The following EYS variants were observed in gnomAD, a reference collection of about 807,000 sequenced individuals.
EYS encodes EGF-like photoreceptor maintenance factor.
EYS carries 250 observed loss-of-function variants against 282.1 expected under a neutral mutation model. That is an observed-to-expected ratio of 0.89 (90% CI 0.80 to 0.98). The LOEUF (loss-of-function observed/expected upper bound fraction) is 0.98, where lower values mean the gene tolerates loss of function less well. Among genes scored for constraint, EYS ranks in the 50% least tolerant of loss-of-function variants. EYS has a pLI of 0.00. For missense variants in EYS, 4,016 were observed against 3,709.0 expected (o/e 1.08, Z -2.15); for synonymous variants, 1,355 against 1,282.9 (o/e 1.06, Z -1.20).
At chr6:64,802,019 TTTTCTTTTTTTTTC>T (rs1764249004) in intron 22 of EYS, among the ~76,000 whole-genome samples, 2 of 133,012 alleles carry the variant, frequency 1.5e-5, no homozygotes, top group African/African-American at 3.1e-5. Flanking sequence ...ACAAATTTCT[TTTTCTTTTTTTTTC>T]TTTTTTTTTT....
intron 30 of EYS, among the ~76,000 whole-genome samples, chr6:64,243,933 A>G (rs1766921562): frequency 6.6e-6 from 1 of 152,176 alleles, no homozygotes; most frequent in Admixed American, 6.5e-5. Context: ...AGTGAATATC[A>G]TCATACAAAT....
At chr6:65,601,426 C>G (rs1050760654) in intron 2 of EYS, among the ~76,000 whole-genome samples, 1 of 151,596 alleles carries the variant, frequency 6.6e-6, no homozygotes, top group African/African-American at 2.4e-5. Context: ...GTCAATTATG[C>G]TTTTTTTTCC....
rs80031561 is a variant in EYS at position 65,128,098 on chromosome 6, G to A, written c.2024-70371C>T. Among the ~76,000 whole-genome samples the A allele has an allele frequency of 4.7e-3, 716 of 152,010 alleles. 4 individuals are homozygous for A. The highest frequency in any genetic ancestry group is 0.015 in the African/African-American group (632 of 41,526). On this transcript the variant is annotated intron_variant, in intron 12 of 42. Transcript: ENST00000503581. Reference sequence around the variant, plus strand: ...TCCCATGGTCAAACTATTAAGAGATGAATAAATATTTATCTTACCCAAATC... The same window carrying A: ...TCCCATGGTCAAACTATTAAGAGATAAATAAATATTTATCTTACCCAAATC...
At chr6:65,274,909 G>GGAGAGAGAGA (rs3042964) in intron 12 of EYS, among the ~76,000 whole-genome samples, 16 of 148,528 alleles carry the variant, frequency 1.1e-4, no homozygotes, top group East Asian at 1.0e-3. Flanking sequence ...CAAAAAAAAA[G>GGAGAGAGAGA]GAGAGAGAGA....
At chr6:64,241,488 T>G (rs1324443010) in intron 30 of EYS, among the ~76,000 whole-genome samples, 1 of 152,146 alleles carries the variant, frequency 6.6e-6, no homozygotes, top group African/African-American at 2.4e-5. Flanking sequence ...GTCCAGGAAT[T>G]TATCAGTTTC....
chr6:65,428,449 T>C (rs914482938), intron 5 of EYS, among the ~76,000 whole-genome samples: 3 of 152,160 alleles, frequency 2.0e-5, no homozygotes, highest in African/African-American at 4.8e-5. Flanking sequence ...TTTTTACGTA[T>C]ATTAACTCAT....
intron 26 of EYS, among the ~76,000 whole-genome samples, chr6:64,484,449 GAAGGGCCCACTCC>G (rs1451195180): frequency 6.6e-6 from 1 of 151,552 alleles, no homozygotes; most frequent in Non-Finnish European, 1.5e-5. Flanking sequence ...AAGTTTGAAT[GAAGGGCCCACTCC>G]AACGCTTTAA....
At chr6:63,895,099 G>T (rs534778739) in intron 35 of EYS, among the ~76,000 whole-genome samples, 2 of 151,338 alleles carry the variant, frequency 1.3e-5, no homozygotes, top group African/African-American at 4.8e-5. Context: ...ACCCCCCATG[G>T]CCTCACCCTC....
intron 5 of EYS, 91 bp downstream of exon 5, chr6:65,490,503 T>A (rs577246417): frequency 1.3e-6 from 1 of 782,460 alleles, no homozygotes; most frequent in South Asian, 1.5e-5. Flanking sequence ...TATTTTTCAA[T>A]AATAAAGGAA....
At chr6:65,210,381 G>A (rs983738597) in intron 12 of EYS, among the ~76,000 whole-genome samples, 2 of 151,936 alleles carry the variant, frequency 1.3e-5, no homozygotes, top group African/African-American at 4.8e-5. Flanking sequence ...ACAGAATAGA[G>A]GAAAGTCTGA....
chr6:65,582,198 C>T (rs199845181), intron 2 of EYS, among the ~76,000 whole-genome samples: 1 of 143,182 alleles, frequency 7.0e-6, no homozygotes, highest in Non-Finnish European at 1.5e-5. Context: ...TCCATCTCAA[C>T]AAATAAATAA....
At chr6:65,355,210 G>C (rs9445517) in intron 8 of EYS, among the ~76,000 whole-genome samples, 102,374 of 151,852 alleles carry the variant, frequency 0.67, 34,606 homozygotes, top group South Asian at 0.71. Flanking sequence ...TATCTGTCAT[G>C]TCCCTCTCAC....
Position 64,637,457 on chromosome 6 carries a change from G to T in EYS, c.3444-11212C>A, listed in dbSNP as rs1390304829. Among the ~76,000 whole-genome samples the T allele has an allele frequency of 5.4e-5, 4 of 74,100 alleles. 1 individual carries two copies. The highest frequency in any genetic ancestry group is 7.3e-4 in the South Asian group (1 of 1,364). The allele number at this position is 74,100 out of a possible 152,430, so 48.6% of individuals were successfully genotyped here. A position where few individuals can be genotyped will look rare whatever the true frequency, so the allele number is the denominator to read the frequency against. ...GGGGACTGTTGTGGGGTGTGGGGAG[G>T]GGGGAGGGACAGCATTAGGAGATAT... On this transcript the variant is annotated intron_variant, in intron 22 of 42. Coordinates refer to ENST00000503581, the MANE Select transcript of EYS (RefSeq NM_001142800.2).
At chr6:65,051,745 A>AC (rs1438919804) in intron 13 of EYS, among the ~76,000 whole-genome samples, 2 of 151,534 alleles carry the variant, frequency 1.3e-5, no homozygotes, top group African/African-American at 4.8e-5. Flanking sequence ...AGAGACAAAT[A>AC]CCGCATGATC....
At chr6:64,706,323 A>G (rs1365957219) in intron 22 of EYS, among the ~76,000 whole-genome samples, 1 of 152,198 alleles carries the variant, frequency 6.6e-6, no homozygotes, top group Non-Finnish European at 1.5e-5. Flanking sequence ...AATAAACTCA[A>G]GATAAAGGAC....
At chr6:64,880,891 C>T (rs1766894988) in intron 19 of EYS, among the ~76,000 whole-genome samples, 1 of 150,298 alleles carries the variant, frequency 6.7e-6, no homozygotes, top group African/African-American at 2.4e-5. Flanking sequence ...TTATACTGGC[C>T]TTATTTTATA....
chr6:64,835,220 T>A (rs775635746), intron 19 of EYS, among the ~76,000 whole-genome samples: 2 of 151,784 alleles, frequency 1.3e-5, no homozygotes, highest in Non-Finnish European at 3.0e-5. Context: ...TCAGCTCTCA[T>A]GAGCACTATT....
At chr6:63,895,734 A>G (rs997133530) in intron 35 of EYS, among the ~76,000 whole-genome samples, 1 of 152,092 alleles carries the variant, frequency 6.6e-6, no homozygotes, top group Non-Finnish European at 1.5e-5. Context: ...ACCTGAAACC[A>G]AGCACTTAAT....
intron 13 of EYS, among the ~76,000 whole-genome samples, chr6:65,004,421 C>T (rs1218499038): frequency 2.0e-5 from 3 of 147,540 alleles, no homozygotes; most frequent in African/African-American, 7.3e-5. Context: ...CTACAATGGT[C>T]TGCTCTACAA....
Sources: gnomAD v4.1 joint callset for allele counts (sites outside exome capture counted in the v4.1 genomes callset) on GRCh38, gnomAD v4.1.1 for gene constraint, MANE v1.5 for transcripts, NCBI Gene and HGNC (gene_info 2026-07-23, HGNC 2026-07-21) for gene names.